Variants in STAT5B observed in about 807,000 individuals in gnomAD.
The protein encoded by STAT5B is signal transducer and activator of transcription 5B.
A neutral mutation model predicts 107.8 loss-of-function variants in STAT5B; 21 were observed. The ratio of observed to expected loss-of-function variants is 0.19; its 90% CI spans 0.14 to 0.28. STAT5B has a LOEUF of 0.28. STAT5B is among the 10% of genes least tolerant of loss of function. The pLI is 1.00. For synonymous variants in STAT5B, 325 were observed against 401.7 expected, an observed-to-expected ratio of 0.81 and a Z score of 2.28; for missense variants, 565 against 1,008.2, an observed-to-expected ratio of 0.56 and a Z score of 5.95.
chr17:42,252,726 T>C (rs942713673), intron 1 of STAT5B, among the ~76,000 whole-genome samples: 4 of 152,172 alleles, frequency 2.6e-5, no homozygotes, highest in Admixed American at 2.6e-4. Flanking sequence ...CTAATCAAGG[T>C]AAACATAATA....
At chr17:42,247,409 C>T (rs1280650099) in intron 1 of STAT5B, among the ~76,000 whole-genome samples, 1 of 152,178 alleles carries the variant, frequency 6.6e-6, no homozygotes, top group African/African-American at 2.4e-5. Context: ...TATGTCATTT[C>T]AAATAACAAA....
At chr17:42,218,035 G>A in intron 9 of STAT5B, 116 bp downstream of exon 9, 2 of 1,516,166 alleles carry the variant, frequency 1.3e-6, no homozygotes, top group South Asian at 1.2e-5. Context: ...CTTTGCTGAT[G>A]CCCAGAAGAG....
Position 42,199,363 on chromosome 17 carries a change from C to T in STAT5B, c.*2375G>A, listed in dbSNP as rs932513743. 1.3e-5 allele frequency: 2 copies of T among 152,098 alleles called. No individual in the cohort carries two copies. The highest frequency in any genetic ancestry group is 4.8e-5 in the African/African-American group (2 of 41,374). The allele number at this position is 152,098 out of a possible 1,614,324, so 9.4% of individuals were successfully genotyped here. A position where few individuals can be genotyped will look rare whatever the true frequency, so the allele number is the denominator to read the frequency against. On this transcript the variant is annotated 3_prime_UTR_variant, in exon 19 of 19. Transcript: ENST00000293328. ...CTAAAATATGTATCTGAAATAATTT[C>T]ACCAAGTTTTAAAAAGAAAAATTAT...
chr17:42,225,931 G>A lies in STAT5B; in HGVS notation c.286-1063C>T, dbSNP rs1321599442. The stretch of plus-strand genomic sequence containing the variant: ...TATCTTTAAAAAGCAGGGGGTACAT[G>A]AATTATTATTATTATTTTTTGAGAT... On this transcript the variant is annotated intron_variant, in intron 3 of 18. Transcript: ENST00000293328. 2.6e-5 allele frequency among the ~76,000 whole-genome samples: 4 copies of A among 151,960 alleles called. No individual in the cohort carries two copies. In the East Asian group the frequency reaches 5.8e-4, roughly 22 times the overall value.
rs528994237 is a variant in STAT5B at position 42,201,038 on chromosome 17, C to T, written c.*700G>A. On this transcript the variant is annotated 3_prime_UTR_variant, in exon 19 of 19. Coordinates refer to ENST00000293328, the MANE Select transcript of STAT5B (RefSeq NM_012448.4). ...CTGAGTGGCAATTCCAGGGTGCGGGCGGGCAGGAGGGGAGAGAGGACAAAG... is the reference window on the plus strand; with the variant it reads ...CTGAGTGGCAATTCCAGGGTGCGGGTGGGCAGGAGGGGAGAGAGGACAAAG... 1.3e-4 allele frequency: 54 copies of T among 401,610 alleles called. No individual in the cohort carries two copies. Among genetic ancestry groups the T allele is most frequent in the African/African-American group, 9.2e-4 (45 of 48,716 alleles). The allele number at this position is 401,610 out of a possible 1,614,324, so 24.9% of individuals were successfully genotyped here.
At chr17:42,214,319 T>C (rs1308146551) in intron 12 of STAT5B, 1 of 985,220 alleles carries the variant, frequency 1.0e-6, no homozygotes, top group Non-Finnish European at 1.2e-6. Flanking sequence ...ACAAGAGATG[T>C]GGCAATCTTA....
In STAT5B at chr17:42,222,185, T is replaced by C. The variant is rs2080235499; in HGVS notation, c.550+1197A>G. Among the ~76,000 whole-genome samples, 3 of 150,672 alleles carry C rather than the reference T, an allele frequency of 2.0e-5. No homozygotes were observed. The South Asian group carries it at 6.3e-4, about 32-fold the overall frequency. ...ATGTGTGTGGTGTGTGTGTGTGCTG[T>C]GTTGTCTGTGTGTGCTGTGTGTGTG... is the stretch of plus-strand genomic sequence containing the variant. On this transcript the variant is annotated intron_variant, in intron 5 of 18. Coordinates refer to ENST00000293328, the MANE Select transcript of STAT5B (RefSeq NM_012448.4).
intron 3 of STAT5B, 113 bp downstream of exon 3, chr17:42,227,416 C>T (rs1272521377): frequency 1.1e-5 from 15 of 1,423,834 alleles, no homozygotes; most frequent in African/African-American, 1.4e-5. Context: ...ACAACAAGAA[C>T]CTTATGCACG....
chr17:42,274,515 A>G (rs2080748914), intron 1 of STAT5B, among the ~76,000 whole-genome samples: 1 of 152,206 alleles, frequency 6.6e-6, no homozygotes. Context: ...AGCCATGTCC[A>G]TTCTAACAAC....
chr17:42,231,990 GT>G lies in STAT5B; in HGVS notation c.128+9del. 6.2e-7 allele frequency: 1 copy of G among 1,613,676 alleles called. No homozygotes were observed. Among genetic ancestry groups the G allele is most frequent in the East Asian group, 2.2e-5 (1 of 44,860 alleles). ...CACAAAATATGATGCAAACATCCTT[GT>G]TCACCTACCATGCTTGGCTTTCAAT... On this transcript the variant is annotated intron_variant, in intron 2 of 18. Transcript: ENST00000293328.
At position 42,218,260 on chromosome 17, in the gene STAT5B, G is replaced by C. The variant is rs2080190751; in HGVS notation, c.1060C>G (p.Leu354Val). 6.2e-7 allele frequency: 1 copy of C among 1,614,072 alleles called. No homozygotes were observed. The highest frequency in any genetic ancestry group is 1.3e-5 in the African/African-American group (1 of 74,920). ...TQTKFAATVR[L>V]LVGGKLNVHM... ...ACGTTCAGCTTCCCGCCCACCAGCA[G>C]GCGCACAGTGGCTGCAAACTTGGTC... Residue 354 changes from leucine (L) to valine (V), a missense_variant, in exon 9 of 19, where the codon CTG becomes GTG. Coordinates refer to ENST00000293328, the MANE Select transcript of STAT5B (RefSeq NM_012448.4).
chr17:42,281,089 G>C (rs894616657), upstream of STAT5B, among the ~76,000 whole-genome samples: 2 of 151,272 alleles, frequency 1.3e-5, no homozygotes, highest in African/African-American at 4.9e-5. Flanking sequence ...AGCAGAGATC[G>C]CGCCACTGCA....
At chr17:42,282,563 C>T in the STAT5B span, among the ~76,000 whole-genome samples, 3 of 152,192 alleles carry the variant, frequency 2.0e-5, no homozygotes, top group Non-Finnish European at 2.9e-5. Flanking sequence ...TGGCCTCAAA[C>T]TCCTGACCTC....
intron 1 of STAT5B, among the ~76,000 whole-genome samples, chr17:42,256,631 G>A (rs1157487994): frequency 6.6e-6 from 1 of 151,874 alleles, no homozygotes; most frequent in African/African-American, 2.4e-5. Flanking sequence ...AGGCTGAGGC[G>A]AGCAGGTCAC....
At chr17:42,217,635 C>T (rs1567659020) in intron 9 of STAT5B, 171 bp from the exon 10 acceptor site, 1 of 689,776 alleles carries the variant, frequency 1.4e-6, no homozygotes, top group Admixed American at 2.4e-5. Context: ...GGACGTATCT[C>T]TACAAAATGA....
rs1175968738 is a variant in STAT5B, at chr17:42,207,565, A to C, written c.2070T>G (p.Ser690=). Residue 690 remains serine, a synonymous_variant, in exon 16 of 19, where the codon TCT becomes TCG. Coordinates refer to ENST00000293328, the MANE Select transcript of STAT5B (RefSeq NM_012448.4). ...SKYYTPVPCE[S]ATAKAVDGYV... Reference sequence around the variant, plus strand: ...GAATGCGAACATTGTTACCAGTAGCAGACTCGCAGGGAACTGGTGTGTAGT... The same window carrying C: ...GAATGCGAACATTGTTACCAGTAGCCGACTCGCAGGGAACTGGTGTGTAGT... The C allele has an allele frequency of 6.2e-7, 1 of 1,613,938 alleles. No homozygotes were observed. The highest frequency in any genetic ancestry group is 1.3e-5 in the African/African-American group (1 of 74,878).
At chr17:42,217,957 C>T (rs751100884) in intron 9 of STAT5B, 194 bp downstream of exon 9, 10 of 894,284 alleles carry the variant, frequency 1.1e-5, no homozygotes, top group Admixed American at 2.4e-5. Context: ...CTGCCCACCT[C>T]GGCCTCTTAA....
At chr17:42,202,296 C>T (rs2080051278) in intron 18 of STAT5B, 44 bp downstream of exon 18, 2 of 1,606,878 alleles carry the variant, frequency 1.2e-6, no homozygotes, top group South Asian at 2.2e-5. Context: ...TGGGGCCAAG[C>T]CCCCAGTTCC....
chr17:42,215,062 G>A (rs1349553111), intron 12 of STAT5B, among the ~76,000 whole-genome samples: 1 of 152,152 alleles, frequency 6.6e-6, no homozygotes, highest in Non-Finnish European at 1.5e-5. Context: ...TCTTTAAAAT[G>A]CTCATCGAGC....
Sources: gnomAD v4.1 joint callset for allele counts (sites outside exome capture counted in the v4.1 genomes callset) on GRCh38, gnomAD v4.1.1 for gene constraint, MANE v1.5 for transcripts, NCBI Gene and HGNC (gene_info 2026-07-23, HGNC 2026-07-21) for gene names.